The following AUTS2 variants were observed in gnomAD, a reference collection of about 807,000 sequenced individuals.
The protein encoded by AUTS2 is activator of transcription and developmental regulator AUTS2.
Under a neutral mutation model 112.4 loss-of-function variants are expected in AUTS2, and 17 were observed. The ratio of observed to expected loss-of-function variants is 0.15; its 90% CI spans 0.10 to 0.23. The LOEUF is 0.23. Among genes scored for constraint, AUTS2 ranks in the 10% least tolerant of loss-of-function variants. The probability of loss-of-function intolerance (pLI) is 1.00; values close to 1 mark genes in which losing one functional copy is unlikely to be tolerated. For synonymous variants in AUTS2, 751 were observed against 702.7 expected (o/e 1.07, Z -1.09); for missense variants, 1,510 against 1,701.6 (o/e 0.89, Z 1.98).
chr7:70,173,216 A>C (rs113673825), intron 4 of AUTS2, among the ~76,000 whole-genome samples: 14,835 of 152,144 alleles, frequency 0.098, 1,002 homozygotes, highest in Non-Finnish European at 0.15. Context: ...GTCTCTACTA[A>C]AAATGCAAAA....
intron 1 of AUTS2, among the ~76,000 whole-genome samples, chr7:69,813,570 G>T: frequency 6.6e-6 from 1 of 152,202 alleles, no homozygotes; most frequent in East Asian, 1.9e-4. Context: ...CAGAATCGTT[G>T]TGAAGAGTAA....
At chr7:70,707,954 C>G (rs1453624799) in intron 6 of AUTS2, among the ~76,000 whole-genome samples, 2 of 152,210 alleles carry the variant, frequency 1.3e-5, no homozygotes, top group Non-Finnish European at 2.9e-5. Context: ...ATCTGCGTCT[C>G]TGACCCTCGT....
chr7:70,187,489 G>A (rs1258074113), intron 4 of AUTS2, among the ~76,000 whole-genome samples: 1 of 152,022 alleles, frequency 6.6e-6, no homozygotes, highest in Non-Finnish European at 1.5e-5. Flanking sequence ...ACTAGATTAT[G>A]CTTAAATATT....
chr7:70,193,123 A>G (rs551286012), intron 4 of AUTS2, among the ~76,000 whole-genome samples: 1 of 152,256 alleles, frequency 6.6e-6, no homozygotes, highest in South Asian at 2.1e-4. Context: ...TTCCATCTGG[A>G]CCAAGTATGG....
At chr7:70,535,444 T>C (rs993425927) in intron 5 of AUTS2, among the ~76,000 whole-genome samples, 3 of 152,188 alleles carry the variant, frequency 2.0e-5, no homozygotes, top group African/African-American at 7.2e-5. Context: ...AGACGGAGTC[T>C]CACTCTGTCG....
At chr7:69,727,282 C>G (rs1200179046) in intron 1 of AUTS2, among the ~76,000 whole-genome samples, 1 of 152,148 alleles carries the variant, frequency 6.6e-6, no homozygotes, top group African/African-American at 2.4e-5. Flanking sequence ...ATGTCCCTGG[C>G]ACCTCCGTTG....
At chr7:69,742,596 C>T (rs1419906251) in intron 1 of AUTS2, among the ~76,000 whole-genome samples, 1 of 152,080 alleles carries the variant, frequency 6.6e-6, no homozygotes, top group Non-Finnish European at 1.5e-5. Context: ...GGTGGGAGTA[C>T]ATTTAAGCAT....
At chr7:70,745,001 A>T (rs771709567) in intron 6 of AUTS2, among the ~76,000 whole-genome samples, 1 of 151,764 alleles carries the variant, frequency 6.6e-6, no homozygotes, top group African/African-American at 2.4e-5. Context: ...CTCCTCAGGA[A>T]AATGGTGATT....
intron 5 of AUTS2, among the ~76,000 whole-genome samples, chr7:70,674,530 C>A (rs112248957): frequency 2.0e-4 from 30 of 152,240 alleles, no homozygotes; most frequent in African/African-American, 7.2e-4. Flanking sequence ...AGTGATGATT[C>A]TTTTTTCTGG....
At chr7:70,102,571 T>C (rs1804556930) in intron 2 of AUTS2, among the ~76,000 whole-genome samples, 1 of 152,100 alleles carries the variant, frequency 6.6e-6, no homozygotes. Flanking sequence ...GTATTGTAGG[T>C]ATAAGCACTG....
intron 5 of AUTS2, among the ~76,000 whole-genome samples, chr7:70,470,863 C>T (rs1447128413): frequency 2.6e-5 from 4 of 152,102 alleles, no homozygotes; most frequent in Non-Finnish European, 5.9e-5. Flanking sequence ...TAGTCTGTGT[C>T]AGCAATAAAA....
rs551347928 is a variant in AUTS2 at position 70,235,880 on chromosome 7, G to A, written c.660+101309G>A. Among the ~76,000 whole-genome samples, 124 of 152,100 alleles carry A rather than the reference G, an allele frequency of 8.2e-4. 5 individuals are homozygous for A. The South Asian group carries it at 0.018, about 22-fold the overall frequency. ...TCACTGTGTTGGCCAGGCTTGTCTC[G>A]AACTCCTGACCTCGTGGTCCGCCCA... On this transcript the variant is annotated intron_variant, in intron 4 of 18. Transcript: ENST00000342771.
At chr7:69,602,036 ATATATGTGTG>A (rs1562750117) in intron 1 of AUTS2, among the ~76,000 whole-genome samples, 1 of 17,974 alleles carries the variant, frequency 5.6e-5, no homozygotes, top group African/African-American at 1.5e-4. Flanking sequence ...ATATATATAT[ATATATGTGTG>A]TGTGTGTGTG....
intron 1 of AUTS2, among the ~76,000 whole-genome samples, chr7:69,744,512 T>A (rs1283814471): frequency 6.6e-6 from 1 of 152,034 alleles, no homozygotes; most frequent in South Asian, 2.1e-4. Flanking sequence ...TTTCACACTT[T>A]TAGAGCACCA....
intron 5 of AUTS2, among the ~76,000 whole-genome samples, chr7:70,547,983 G>A (rs1324064219): frequency 2.0e-5 from 3 of 152,154 alleles, no homozygotes; most frequent in African/African-American, 4.8e-5. Context: ...CCTCCTGAAC[G>A]TGAAGTGGTA....
intron 1 of AUTS2, among the ~76,000 whole-genome samples, chr7:69,849,864 T>C (rs1792381286): frequency 6.6e-6 from 1 of 152,168 alleles, no homozygotes; most frequent in African/African-American, 2.4e-5. Context: ...TTGATTCTTT[T>C]TACTTTTGGG....
intron 4 of AUTS2, among the ~76,000 whole-genome samples, chr7:70,344,396 A>G (rs1456299568): frequency 6.6e-6 from 1 of 152,160 alleles, no homozygotes; most frequent in Non-Finnish European, 1.5e-5. Flanking sequence ...CCAATTTCTC[A>G]TATTCCTCAG....
At chr7:69,672,884 A>G (rs1019993479) in intron 1 of AUTS2, among the ~76,000 whole-genome samples, 4 of 152,204 alleles carry the variant, frequency 2.6e-5, no homozygotes, top group African/African-American at 9.7e-5. Flanking sequence ...GCAAAATGCC[A>G]GTTGTGATTT....
chr7:69,965,272 A>G (rs894501325), intron 2 of AUTS2, among the ~76,000 whole-genome samples: 2 of 152,162 alleles, frequency 1.3e-5, no homozygotes, highest in Non-Finnish European at 2.9e-5. Context: ...TAAGAACTTT[A>G]CATGCATTGT....
Sources: allele counts gnomAD v4.1 joint callset (sites outside exome capture counted in the v4.1 genomes callset), GRCh38; gene constraint gnomAD v4.1.1; transcripts MANE v1.5; gene names NCBI Gene and HGNC (gene_info 2026-07-23, HGNC 2026-07-21).